The following RERE variants were observed in gnomAD, a reference collection of about 807,000 sequenced individuals.
RERE encodes arginine-glutamic acid dipeptide repeats protein.
In RERE, 40 loss-of-function variants were observed where a neutral mutation model predicts 146.1. The ratio of observed to expected loss-of-function variants is 0.27; its 90% CI spans 0.21 to 0.36. The LOEUF (loss-of-function observed/expected upper bound fraction) is 0.36. Ranked by LOEUF, RERE falls within the 10% of genes least tolerant of loss-of-function variation. The pLI is 1.00. For synonymous variants in RERE, 1,003 were observed against 866.0 expected, an observed-to-expected ratio of 1.16 and a Z score of -2.78; for missense variants, 1,933 against 2,138.7, an observed-to-expected ratio of 0.90 and a Z score of 1.90.
At chr1:8,806,421 C>T (rs1447792266) in intron 1 of RERE, among the ~76,000 whole-genome samples, 2 of 152,038 alleles carry the variant, frequency 1.3e-5, no homozygotes, top group East Asian at 3.9e-4. Context: ...ACCCCAGCTC[C>T]TTGGGAGGCT....
intron 1 of RERE, among the ~76,000 whole-genome samples, chr1:8,782,417 C>G (rs2124561901): frequency 6.6e-6 from 1 of 152,170 alleles, no homozygotes; most frequent in Admixed American, 6.5e-5. Flanking sequence ...TGAACTTTTT[C>G]TCTTCTCTTC....
At chr1:8,361,720 G>A (rs1641589017) in intron 17 of RERE, 43 bp downstream of exon 17, 3 of 1,528,636 alleles carry the variant, frequency 2.0e-6, no homozygotes, top group Admixed American at 1.7e-5. Flanking sequence ...GGCTTCTGAA[G>A]AAGCATTAGC....
chr1:8,482,308 A>G (rs1362892802), intron 10 of RERE, among the ~76,000 whole-genome samples: 1 of 152,216 alleles, frequency 6.6e-6, no homozygotes, highest in Non-Finnish European at 1.5e-5. Context: ...AGTGGGGTAT[A>G]AAGTTTGACT....
chr1:8,605,925 G>A (rs1646703156), intron 4 of RERE, among the ~76,000 whole-genome samples: 1 of 136,436 alleles, frequency 7.3e-6, no homozygotes, highest in East Asian at 2.2e-4. Context: ...GCACACTGCA[G>A]CCTCAGCCTC....
At position 8,650,056 on chromosome 1, in the gene RERE, C is replaced by A. The variant is rs75775161; in HGVS notation, c.325+5917G>T. Among the ~76,000 whole-genome samples, 1,215 of 152,114 alleles carry A rather than the reference C, an allele frequency of 8.0e-3. 13 individuals carry two copies. The highest frequency in any genetic ancestry group is 0.028 in the African/African-American group (1,161 of 41,482). On this transcript the variant is annotated intron_variant, in intron 2 of 22. Coordinates refer to ENST00000400908, the MANE Select transcript of RERE (RefSeq NM_001042681.2). The stretch of plus-strand genomic sequence containing the variant: ...AAGAGCAAGTGCAAAGGCCCCGAGG[C>A]AGGCGGGAACATGGGCAGTGTAAGT...
intron 2 of RERE, among the ~76,000 whole-genome samples, chr1:8,641,198 A>G (rs1286503391): frequency 6.6e-6 from 1 of 152,216 alleles, no homozygotes; most frequent in East Asian, 1.9e-4. Flanking sequence ...CTGCATTTCC[A>G]TTTAAATTAC....
intron 1 of RERE, among the ~76,000 whole-genome samples, chr1:8,690,513 C>T (rs866352382): frequency 2.0e-5 from 3 of 152,080 alleles, no homozygotes; most frequent in Admixed American, 6.5e-5. Flanking sequence ...ATCTTTGTAT[C>T]GAGAGAGAAA....
Position 8,663,629 on chromosome 1 carries a change from G to A in RERE, c.-144-7188C>T, listed in dbSNP as rs574843316. 1.2e-4 allele frequency among the ~76,000 whole-genome samples: 18 copies of A among 152,172 alleles called. No homozygotes were observed. In the East Asian group the frequency reaches 1.5e-3, roughly 13 times the overall value. ...CAGCCAGCCAGCCAGCATATCTGAC[G>A]TCCCACCACTTTTTTTCATAATAGC... On this transcript the variant is annotated intron_variant, in intron 1 of 22. Coordinates refer to ENST00000400908, the MANE Select transcript of RERE (RefSeq NM_001042681.2).
At position 8,559,280 on chromosome 1, in the gene RERE, CAAA is replaced by C. The variant is rs548075266; in HGVS notation, c.523-1760_523-1758del. The stretch of plus-strand genomic sequence containing the variant: ...GGGCAACAAGAGCAAAACTCCAGCT[CAAA>C]AAAAAAAAAAAAAAAAAAAAACAGA... On this transcript the variant is annotated intron_variant, in intron 4 of 22. Coordinates refer to ENST00000400908, the MANE Select transcript of RERE (RefSeq NM_001042681.2). 8.5e-3 allele frequency among the ~76,000 whole-genome samples: 102 copies of C among 12,068 alleles called. 1 individual carries two copies. The highest frequency in any genetic ancestry group is 0.042 in the East Asian group (6 of 142). 7.9% of individuals were successfully genotyped at this position (12,068 alleles called of 152,430 possible). A position where few individuals can be genotyped will look rare whatever the true frequency, so the allele number is the denominator to read the frequency against.
chr1:8,423,990 T>C lies in RERE; in HGVS notation c.1204-1183A>G, dbSNP rs1255322947. 6.8e-6 allele frequency: 1 copy of C among 147,474 alleles called. No homozygotes were observed. Among genetic ancestry groups the C allele is most frequent in the African/African-American group, 2.5e-5 (1 of 40,032 alleles). The allele number at this position is 147,474 out of a possible 1,614,324, so 9.1% of individuals were successfully genotyped here. The stretch of plus-strand genomic sequence containing the variant: ...TCCGGACAGGAGAACATCAAGGCGG[T>C]AAAGCACAGAAACTTCCTCCCTACC... On this transcript the variant is annotated intron_variant, in intron 11 of 22. Transcript: ENST00000400908. This position sits in a 1 kb window ranked among gnomAD's most constrained non-coding sequence, Gnocchi z 5.4.
intron 1 of RERE, chr1:8,750,714 G>C (rs1640515319): frequency 1.2e-6 from 1 of 805,446 alleles, no homozygotes; most frequent in Non-Finnish European, 2.2e-6. Context: ...ATCAGGACCA[G>C]AGGTATCAAT....
intron 1 of RERE, among the ~76,000 whole-genome samples, chr1:8,725,426 C>T (rs1229429810): frequency 6.6e-6 from 1 of 151,950 alleles, no homozygotes; most frequent in East Asian, 1.9e-4. Context: ...ATTATCCGGG[C>T]ATGGTGGTGG....
chr1:8,793,826 A>G (rs1481043933), intron 1 of RERE, among the ~76,000 whole-genome samples: 1 of 152,196 alleles, frequency 6.6e-6, no homozygotes, highest in Non-Finnish European at 1.5e-5. Context: ...GCACTTTGGG[A>G]GGCCAAGACA....
intron 4 of RERE, among the ~76,000 whole-genome samples, chr1:8,583,276 C>T (rs1470520409): frequency 1.3e-5 from 2 of 152,162 alleles, no homozygotes; most frequent in Non-Finnish European, 2.9e-5. Flanking sequence ...TGCTGACACA[C>T]AACAAAATTC....
At chr1:8,585,146 C>A (rs367930912) in intron 4 of RERE, among the ~76,000 whole-genome samples, 178 of 130,042 alleles carry the variant, frequency 1.4e-3, no homozygotes, top group African/African-American at 1.6e-3. Context: ...GACTCCATCT[C>A]AAAAAAAAAA....
intron 1 of RERE, among the ~76,000 whole-genome samples, chr1:8,769,926 T>C (rs905955589): frequency 6.6e-6 from 1 of 152,056 alleles, no homozygotes; most frequent in African/African-American, 2.4e-5. Flanking sequence ...GTAGCTGGGA[T>C]TCCGGGCGCA....
chr1:8,771,250 G>A (rs1022191952), intron 1 of RERE, among the ~76,000 whole-genome samples: 6 of 151,922 alleles, frequency 3.9e-5, no homozygotes, highest in Non-Finnish European at 7.4e-5. Flanking sequence ...TGGGCCGGGC[G>A]TGGTGGCTCA....
intron 10 of RERE, among the ~76,000 whole-genome samples, chr1:8,481,241 C>T (rs1395831684): frequency 6.6e-6 from 1 of 152,138 alleles, no homozygotes; most frequent in Non-Finnish European, 1.5e-5. Context: ...CTCAGCCTCC[C>T]GAGTAGCTGA....
At chr1:8,439,294 C>G (rs1454355940) in intron 11 of RERE, among the ~76,000 whole-genome samples, 1 of 152,208 alleles carries the variant, frequency 6.6e-6, no homozygotes, top group Non-Finnish European at 1.5e-5. Flanking sequence ...ACTAATTGTT[C>G]TAAAGCTGTG....
Sources: gnomAD v4.1 joint callset for allele counts (sites outside exome capture counted in the v4.1 genomes callset) on GRCh38, gnomAD v4.1.1 for gene constraint, Gnocchi (gnomAD v3.1) non-coding constraint, MANE v1.5 for transcripts, NCBI Gene and HGNC (gene_info 2026-07-23, HGNC 2026-07-21) for gene names.